Variants in HDDC2 observed in about 807,000 individuals in gnomAD.
HDDC2 encodes the protein 5'-deoxynucleotidase HDDC2.
In HDDC2, 25 loss-of-function variants were observed where a neutral mutation model predicts 25.5. The ratio of observed to expected loss-of-function variants is 0.98; its 90% CI spans 0.72 to 1.37. The LOEUF (loss-of-function observed/expected upper bound fraction) is 1.37. HDDC2 is among the 40% of genes most tolerant of loss of function. The probability of loss-of-function intolerance (pLI) is 0.00; values close to 1 mark genes in which losing one functional copy is unlikely to be tolerated. For missense variants in HDDC2, 264 were observed against 253.1 expected, an observed-to-expected ratio of 1.04 and a Z score of -0.29; for synonymous variants, 106 against 89.7, an observed-to-expected ratio of 1.18 and a Z score of -1.03.
chr6:125,298,688 T>C (rs753750784), intron 3 of HDDC2, 26 bp downstream of exon 3: 14 of 1,573,964 alleles, frequency 8.9e-6, no homozygotes, highest in Non-Finnish European at 8.7e-6. Flanking sequence ...TGGTGGTTTT[T>C]TGCACAGTCA....
At chr6:125,277,347 T>C (rs1798385530) in intron 4 of HDDC2, 107 bp from the exon 5 acceptor site, 1 of 1,025,942 alleles carries the variant, frequency 9.7e-7, no homozygotes, top group African/African-American at 1.6e-5. Context: ...TACAAGTACA[T>C]TCTGTATCGG....
At chr6:125,298,175 C>T (rs939799368) in intron 3 of HDDC2, among the ~76,000 whole-genome samples, 1 of 152,092 alleles carries the variant, frequency 6.6e-6, no homozygotes, top group African/African-American at 2.4e-5. Context: ...GTACTCCAAA[C>T]CTCAGCATCA....
chr6:125,301,759 A>C, intron 1 of HDDC2, 90 bp downstream of exon 1: 1 of 969,512 alleles, frequency 1.0e-6, no homozygotes, highest in Non-Finnish European at 1.5e-6. Flanking sequence ...GGAAGGGCAA[A>C]GACCGCCGGC....
chr6:125,301,770 C>T (rs561824350), intron 1 of HDDC2, 79 bp downstream of exon 1: 1 of 1,077,502 alleles, frequency 9.3e-7, no homozygotes, highest in Non-Finnish European at 1.3e-6. Flanking sequence ...GACCGCCGGC[C>T]GAGCGGGGAG....
intron 4 of HDDC2, among the ~76,000 whole-genome samples, chr6:125,292,207 G>A (rs1397146384): frequency 1.3e-5 from 2 of 152,276 alleles, no homozygotes; most frequent in East Asian, 3.9e-4. Flanking sequence ...ACTGTAATTG[G>A]AAAGGGGAAT....
chr6:125,299,008 T>C (rs1378800119), intron 2 of HDDC2, among the ~76,000 whole-genome samples, 192 bp from the exon 3 acceptor site: 1 of 152,232 alleles, frequency 6.6e-6, no homozygotes, highest in Non-Finnish European at 1.5e-5. Flanking sequence ...TTAGTTCATA[T>C]TCAATAAAAT....
At chr6:125,284,489 A>G (rs1267376156) in intron 4 of HDDC2, among the ~76,000 whole-genome samples, 1 of 152,252 alleles carries the variant, frequency 6.6e-6, no homozygotes, top group Non-Finnish European at 1.5e-5. Flanking sequence ...TAACCCCATC[A>G]AAAAGTGGGC....
intron 2 of HDDC2, among the ~76,000 whole-genome samples, chr6:125,300,064 A>G (rs1466673115): frequency 2.6e-5 from 4 of 152,216 alleles, no homozygotes; most frequent in Non-Finnish European, 4.4e-5. Context: ...TTACTCTCTT[A>G]CATGCTAGTA....
intron 2 of HDDC2, among the ~76,000 whole-genome samples, chr6:125,299,888 T>A (rs540993757): frequency 6.6e-6 from 1 of 152,332 alleles, no homozygotes; most frequent in East Asian, 1.9e-4. Flanking sequence ...CCTCTCTGGC[T>A]ACGTTAACCC....
At chr6:125,279,514 A>C (rs533503194) in intron 4 of HDDC2, 2 of 152,362 alleles carry the variant, frequency 1.3e-5, no homozygotes, top group South Asian at 4.1e-4. Context: ...CAGCTCTGTG[A>C]AGTTAAAAAT....
At chr6:125,286,154 G>C (rs1798531154) in intron 4 of HDDC2, among the ~76,000 whole-genome samples, 1 of 152,170 alleles carries the variant, frequency 6.6e-6, no homozygotes, top group Non-Finnish European at 1.5e-5. Context: ...CATTCATGAG[G>C]AACCTACTAG....
At chr6:125,288,031 G>A (rs915367833) in intron 4 of HDDC2, among the ~76,000 whole-genome samples, 4 of 152,164 alleles carry the variant, frequency 2.6e-5, no homozygotes, top group South Asian at 2.1e-4. Flanking sequence ...GGAGTGCAGC[G>A]AACTCCTCAC....
chr6:125,277,193 T>C lies in HDDC2; in HGVS notation c.426A>G (p.Leu142=). 6.2e-7 allele frequency: 1 copy of C among 1,614,134 alleles called. No individual in the cohort carries two copies. Among genetic ancestry groups the C allele is most frequent in the Non-Finnish European group, 8.5e-7 (1 of 1,179,972 alleles). The stretch of plus-strand genomic sequence containing the variant: ...CTTGAAGAATCATTTCACATTGGTC[T>C]AGCTGCTTCACAAATTTGGCTTCTG... The part of the protein sequence containing the change: ...SSAEAKFVKQ[L]DQCEMILQAS... Residue 142 remains leucine (L), a synonymous_variant, in exon 5 of 6, where the codon CTA becomes CTG. Transcript: ENST00000398153.
In HDDC2 at chr6:125,288,312, C is replaced by A. The variant is rs1583052213; in HGVS notation, c.378+4529G>T. Among the ~76,000 whole-genome samples the A allele has an allele frequency of 2.0e-5, 3 of 152,140 alleles. No individual in the cohort carries two copies. The South Asian group carries it at 6.2e-4, about 32-fold the overall frequency. ...AGGGGCAGGGAGGTGACCCGAGGCC[C>A]ACTGATGGGGTGCTGGCAGCCCTGA... On this transcript the variant is annotated intron_variant, in intron 4 of 5. Coordinates refer to ENST00000398153, the MANE Select transcript of HDDC2 (RefSeq NM_016063.3).
intron 3 of HDDC2, among the ~76,000 whole-genome samples, chr6:125,297,127 G>A (rs998566439): frequency 1.4e-4 from 22 of 152,150 alleles, no homozygotes; most frequent in African/African-American, 5.3e-4. Flanking sequence ...CCTACAATGA[G>A]CTGTGTAATT....
intron 4 of HDDC2, among the ~76,000 whole-genome samples, chr6:125,291,966 G>A (rs1466136326): frequency 6.6e-6 from 1 of 152,146 alleles, no homozygotes; most frequent in Non-Finnish European, 1.5e-5. Flanking sequence ...CCCAGCACAT[G>A]AGGGAGTAAG....
At chr6:125,291,509 C>T (rs981916248) in intron 4 of HDDC2, among the ~76,000 whole-genome samples, 27 of 152,304 alleles carry the variant, frequency 1.8e-4, no homozygotes, top group African/African-American at 6.3e-4. Flanking sequence ...CCCATTTCCA[C>T]ACCAAGAGAG....
At position 125,298,794 on chromosome 6, in the gene HDDC2, GAA is replaced by G; in HGVS notation, c.227_228del (p.Val76AlafsTer2). 6.2e-7 allele frequency: 1 copy of G among 1,613,948 alleles called. No homozygotes were observed. On this transcript the variant is annotated frameshift_variant, in exon 3 of 6. Coordinates refer to ENST00000398153, the MANE Select transcript of HDDC2 (RefSeq NM_016063.3). LOFTEE classifies it high-confidence loss of function. ...NKDRCVRLAL[V>X]HDMAECIVGD... Reference sequence around the variant, plus strand: ...CCAACGATGCATTCTGCCATATCATGAACCAGGGCTAGGCGTACACATCTGAT... The same window carrying G: ...CCAACGATGCATTCTGCCATATCATGCCAGGGCTAGGCGTACACATCTGAT...
chr6:125,288,000 G>T (rs530839404), intron 4 of HDDC2, among the ~76,000 whole-genome samples: 1 of 152,170 alleles, frequency 6.6e-6, no homozygotes, highest in South Asian at 2.1e-4. Flanking sequence ...CAGCATGGTG[G>T]CTGTGAGGAA....
Sources: gnomAD v4.1 joint callset for allele counts (sites outside exome capture counted in the v4.1 genomes callset) on GRCh38, gnomAD v4.1.1 for gene constraint, MANE v1.5 for transcripts, NCBI Gene and HGNC (gene_info 2026-07-23, HGNC 2026-07-21) for gene names.